Variants in TTLL11 observed in about 807,000 individuals in gnomAD.
The protein encoded by TTLL11 is tubulin tyrosine ligase like 11.
A neutral mutation model predicts 51.7 loss-of-function variants in TTLL11; 42 were observed. The ratio of observed to expected loss-of-function variants is 0.81; its 90% CI spans 0.64 to 1.05. The LOEUF (loss-of-function observed/expected upper bound fraction) is 1.05, where lower values mean the gene tolerates loss of function less well. Ranked by LOEUF, TTLL11 falls within the 50% of genes least tolerant of loss-of-function variation. The pLI, the probability that TTLL11 is intolerant of heterozygous loss-of-function variation, is 0.00. For synonymous variants in TTLL11, 381 were observed against 383.5 expected, an observed-to-expected ratio of 0.99 and a Z score of 0.08; for missense variants, 799 against 940.4, an observed-to-expected ratio of 0.85 and a Z score of 1.97.
chr9:121,863,650 T>C (rs2131385645), intron 7 of TTLL11, among the ~76,000 whole-genome samples: 1 of 152,356 alleles, frequency 6.6e-6, no homozygotes, highest in South Asian at 2.1e-4. Flanking sequence ...CTGGCTGCGG[T>C]AGGCAGGAAA....
chr9:121,882,726 A>G (rs556725515), intron 6 of TTLL11, among the ~76,000 whole-genome samples: 8 of 151,800 alleles, frequency 5.3e-5, no homozygotes, highest in African/African-American at 1.9e-4. Context: ...CCACCCCTTC[A>G]CGACAGCCAA....
chr9:121,967,388 C>A (rs2131639582), intron 6 of TTLL11, among the ~76,000 whole-genome samples: 1 of 152,008 alleles, frequency 6.6e-6, no homozygotes, highest in South Asian at 2.1e-4. Context: ...CCAGGCCCAG[C>A]TAATTTTTGT....
chr9:122,044,767 T>C (rs1262926919), intron 1 of TTLL11, among the ~76,000 whole-genome samples: 2 of 152,098 alleles, frequency 1.3e-5, no homozygotes, highest in African/African-American at 2.4e-5. Flanking sequence ...ATTTAAAAAA[T>C]TGCAAATCAA....
chr9:121,960,397 C>T (rs1447731916), intron 6 of TTLL11, among the ~76,000 whole-genome samples: 1 of 152,204 alleles, frequency 6.6e-6, no homozygotes, highest in Non-Finnish European at 1.5e-5. Context: ...GTCAATACAG[C>T]TATGAATGTT....
intron 6 of TTLL11, among the ~76,000 whole-genome samples, chr9:121,888,720 A>C (rs1839110897): frequency 6.6e-6 from 1 of 152,256 alleles, no homozygotes; most frequent in Admixed American, 6.5e-5. Context: ...TCTGCCTATA[A>C]AATGGCATGG....
At position 121,984,613 on chromosome 9, in the gene TTLL11, C is replaced by G. The variant is rs139313885; in HGVS notation, c.1269+4582G>C. ...CACTGCATTGCTCCTTGGCCTTCTT[C>G]CCTTGGGGTGACTGGCTGAAGGGTA... On this transcript the variant is annotated intron_variant, in intron 4 of 8. Transcript: ENST00000321582. Among the ~76,000 whole-genome samples the G allele has an allele frequency of 1.5e-3, 226 of 152,220 alleles. 1 individual carries two copies. The highest frequency in any genetic ancestry group is 4.9e-3 in the African/African-American group (202 of 41,532).
chr9:121,984,448 G>A (rs569477639), intron 4 of TTLL11, among the ~76,000 whole-genome samples: 12 of 152,176 alleles, frequency 7.9e-5, no homozygotes, highest in African/African-American at 2.9e-4. Context: ...ATTCTGAGAG[G>A]GAGGTACAAA....
chr9:121,826,389 A>G (rs1261729690), intron 8 of TTLL11, among the ~76,000 whole-genome samples: 2 of 137,150 alleles, frequency 1.5e-5, no homozygotes, highest in Non-Finnish European at 3.1e-5. Flanking sequence ...GTGTGGGTGT[A>G]TATATATATG....
chr9:121,828,803 C>G (rs1836903692), intron 8 of TTLL11, among the ~76,000 whole-genome samples: 1 of 151,882 alleles, frequency 6.6e-6, no homozygotes, highest in African/African-American at 2.4e-5. Flanking sequence ...TTAAAAATAC[C>G]TAAAACCTTA....
chr9:121,975,963 C>T (rs944210474), intron 4 of TTLL11, among the ~76,000 whole-genome samples: 13 of 152,150 alleles, frequency 8.5e-5, no homozygotes, highest in African/African-American at 3.1e-4. Context: ...ATGTGCTCCA[C>T]TTTACAGAAG....
intron 8 of TTLL11, among the ~76,000 whole-genome samples, chr9:121,823,483 T>A (rs527427092): frequency 6.6e-6 from 1 of 152,218 alleles, no homozygotes; most frequent in East Asian, 1.9e-4. Context: ...GAGGCAGAGG[T>A]TGCAGTGAGC....
chr9:122,033,416 T>C (rs1844614126), intron 2 of TTLL11, among the ~76,000 whole-genome samples: 1 of 152,216 alleles, frequency 6.6e-6, no homozygotes, highest in African/African-American at 2.4e-5. Flanking sequence ...CCGGCTATCA[T>C]GCTTGTTTCT....
intron 8 of TTLL11, among the ~76,000 whole-genome samples, chr9:121,826,212 A>ATT (rs1836756794): frequency 8.5e-6 from 1 of 117,934 alleles, no homozygotes; most frequent in African/African-American, 3.7e-5. Context: ...ATATATATAT[A>ATT]TATATGCACA....
rs946681959 is a variant in TTLL11, at chr9:121,860,539, C to T, written c.1734-96G>A. On this transcript the variant is annotated intron_variant, in intron 7 of 8. Coordinates refer to ENST00000321582, the MANE Select transcript of TTLL11 (RefSeq NM_001139442.2). Reference sequence around the variant, plus strand: ...GTTAGGGACTGAATGTTTGTCCTCCCCAAATCCATAGGTTGAAATCCTATC... The same window carrying T: ...GTTAGGGACTGAATGTTTGTCCTCCTCAAATCCATAGGTTGAAATCCTATC... 5 of 988,758 alleles carry T rather than the reference C, an allele frequency of 5.1e-6. No homozygotes were observed. The African/African-American group carries it at 7.9e-5, about 16-fold the overall frequency. 61.2% of individuals were successfully genotyped at this position (988,758 alleles called of 1,614,324 possible). A position where few individuals can be genotyped will look rare whatever the true frequency, so the allele number is the denominator to read the frequency against.
intron 1 of TTLL11, chr9:122,040,262 G>T (rs531292836): frequency 1.3e-6 from 1 of 750,610 alleles, no homozygotes; most frequent in South Asian, 6.0e-5. Context: ...CCTCAGACCC[G>T]CGTGAGCCTG....
intron 3 of TTLL11, among the ~76,000 whole-genome samples, chr9:122,025,246 A>G (rs1018654009): frequency 1.5e-4 from 23 of 152,226 alleles, no homozygotes; most frequent in African/African-American, 5.5e-4. Flanking sequence ...AAAGCTCCAC[A>G]TCATTAGTCT....
chr9:121,889,611 T>C (rs1035010284), intron 6 of TTLL11, among the ~76,000 whole-genome samples: 1 of 152,070 alleles, frequency 6.6e-6, no homozygotes, highest in Non-Finnish European at 1.5e-5. Flanking sequence ...CTCACACAAG[T>C]GGAATCATGG....
At chr9:121,905,657 A>C (rs914494175) in intron 6 of TTLL11, among the ~76,000 whole-genome samples, 7 of 152,132 alleles carry the variant, frequency 4.6e-5, no homozygotes, top group Admixed American at 3.3e-4. Context: ...CCAGCCATTT[A>C]ACATTTTATT....
intron 6 of TTLL11, among the ~76,000 whole-genome samples, chr9:121,894,615 G>A (rs1839384348): frequency 6.6e-6 from 1 of 152,156 alleles, no homozygotes; most frequent in South Asian, 2.1e-4. Context: ...GGATGAAGCT[G>A]GAAACCATCA....
Sources: allele counts gnomAD v4.1 joint callset (sites outside exome capture counted in the v4.1 genomes callset), GRCh38; gene constraint gnomAD v4.1.1; transcripts MANE v1.5; gene names NCBI Gene and HGNC (gene_info 2026-07-23, HGNC 2026-07-21).